Variants in NCALD observed in about 807,000 individuals in gnomAD.
The protein encoded by NCALD is neurocalcin delta.
In NCALD, 10 loss-of-function variants were observed where a neutral mutation model predicts 18.6. The observed-to-expected ratio is 0.54, with a 90% CI of 0.33 to 0.91. NCALD has a LOEUF of 0.91. Ranked by LOEUF, NCALD falls within the 40% of genes least tolerant of loss-of-function variation. NCALD has a pLI of 0.03. For missense variants in NCALD, 184 were observed against 247.6 expected (o/e 0.74, Z 1.72); for synonymous variants, 88 against 87.4 (o/e 1.01, Z -0.04).
At chr8:101,974,085 G>T (rs1279681667) in intron 2 of NCALD, among the ~76,000 whole-genome samples, 1 of 151,798 alleles carries the variant, frequency 6.6e-6, no homozygotes, top group Non-Finnish European at 1.5e-5. Flanking sequence ...AGTGGCCAGG[G>T]GCAAGAACTT....
At chr8:102,023,823 G>A (rs746311738) in intron 1 of NCALD, among the ~76,000 whole-genome samples, 17 of 149,570 alleles carry the variant, frequency 1.1e-4, no homozygotes, top group Non-Finnish European at 2.2e-4. Flanking sequence ...TCTTGTCATC[G>A]TGGTGCCTTG....
At chr8:101,906,986 C>T (rs1052527042) in intron 3 of NCALD, among the ~76,000 whole-genome samples, 2 of 152,156 alleles carry the variant, frequency 1.3e-5, no homozygotes, top group South Asian at 2.1e-4. Flanking sequence ...AAGACAGATT[C>T]GCTATTACTG....
chr8:101,962,051 T>C (rs1256316510), intron 2 of NCALD, among the ~76,000 whole-genome samples: 1 of 152,164 alleles, frequency 6.6e-6, no homozygotes, highest in Non-Finnish European at 1.5e-5. Context: ...AAAAACACTA[T>C]TAAAGCAAAG....
chr8:101,696,306 T>C (rs1814988988), intron 2 of NCALD, among the ~76,000 whole-genome samples: 1 of 152,174 alleles, frequency 6.6e-6, no homozygotes, highest in South Asian at 2.1e-4. Flanking sequence ...AGGCAGACAT[T>C]AGTAAAATAA....
intron 1 of NCALD, among the ~76,000 whole-genome samples, chr8:101,770,039 G>T (rs1811518611): frequency 6.6e-6 from 1 of 152,122 alleles, no homozygotes; most frequent in South Asian, 2.1e-4. Flanking sequence ...ATAAAGAAAA[G>T]AAGAGGCCTA....
intron 1 of NCALD, among the ~76,000 whole-genome samples, chr8:102,028,077 AATT>A (rs1340520712): frequency 1.3e-5 from 2 of 152,232 alleles, no homozygotes; most frequent in Admixed American, 6.5e-5. Context: ...GATTCTGTGA[AATT>A]ATTATCTTAG....
chr8:101,781,964 T>G (rs1274449545), intron 1 of NCALD, among the ~76,000 whole-genome samples: 4 of 151,738 alleles, frequency 2.6e-5, no homozygotes, highest in Non-Finnish European at 5.9e-5. Flanking sequence ...AATGCACTCA[T>G]AACTTACAAC....
At chr8:101,848,217 G>A (rs1231375629) in intron 4 of NCALD, among the ~76,000 whole-genome samples, 1 of 152,134 alleles carries the variant, frequency 6.6e-6, no homozygotes, top group African/African-American at 2.4e-5. Context: ...CAGAGGCTTA[G>A]CTAACAACCT....
intron 1 of NCALD, among the ~76,000 whole-genome samples, chr8:102,089,763 AG>A (rs1361483146): frequency 1.3e-5 from 2 of 152,198 alleles, no homozygotes; most frequent in African/African-American, 4.8e-5. Context: ...ATAAAGCTGA[AG>A]GTTTAAACAA....
At chr8:101,893,032 G>A (rs922880309) in intron 3 of NCALD, among the ~76,000 whole-genome samples, 7 of 149,218 alleles carry the variant, frequency 4.7e-5, no homozygotes, top group Non-Finnish European at 8.9e-5. Context: ...GATACTCCTC[G>A]AGAAGAGCAA....
chr8:101,880,927 G>C (rs1249108877), intron 4 of NCALD, among the ~76,000 whole-genome samples: 1 of 152,166 alleles, frequency 6.6e-6, no homozygotes, highest in African/African-American at 2.4e-5. Flanking sequence ...CCAGTTACTA[G>C]AGGGCCTCGA....
intron 2 of NCALD, among the ~76,000 whole-genome samples, chr8:101,948,964 C>A (rs1819283480): frequency 6.6e-6 from 1 of 152,148 alleles, no homozygotes; most frequent in Admixed American, 6.5e-5. Flanking sequence ...CAGAACAGGA[C>A]CTGGCATGTA....
At chr8:101,841,970 A>G (rs1336887194) in intron 4 of NCALD, among the ~76,000 whole-genome samples, 5 of 152,206 alleles carry the variant, frequency 3.3e-5, no homozygotes. Context: ...GGCTCCCATA[A>G]CAAAGTACCA....
intron 2 of NCALD, among the ~76,000 whole-genome samples, chr8:101,973,269 G>A (rs1820306753): frequency 6.6e-6 from 1 of 152,052 alleles, no homozygotes; most frequent in Admixed American, 6.5e-5. Flanking sequence ...TGTCTCCATA[G>A]GCTCCTCTTG....
intron 4 of NCALD, among the ~76,000 whole-genome samples, chr8:101,882,585 A>G (rs560514335): frequency 1.3e-5 from 2 of 152,358 alleles, no homozygotes; most frequent in East Asian, 1.9e-4. Flanking sequence ...CTAAGACAGC[A>G]TATGTAGAAA....
intron 1 of NCALD, among the ~76,000 whole-genome samples, chr8:102,066,307 A>G (rs1824007261): frequency 6.6e-6 from 1 of 152,152 alleles, no homozygotes; most frequent in African/African-American, 2.4e-5. Flanking sequence ...ATTTCCTAGG[A>G]TCTTATTCAT....
In NCALD at chr8:101,714,973, C is replaced by T. The variant is rs372529571; in HGVS notation, c.378+4279G>A. ...GATTGCGCCACTGCAGTCCACAGTC[C>T]GGCCTGGGCGACAGAGCGAGACTCC... On this transcript the variant is annotated intron_variant, in intron 2 of 3. Coordinates refer to ENST00000220931, the MANE Select transcript of NCALD (RefSeq NM_032041.3). Among the ~76,000 whole-genome samples, 31 of 147,942 alleles carry T rather than the reference C, an allele frequency of 2.1e-4. 1 individual carries two copies. The highest frequency in any genetic ancestry group is 6.0e-4 in the East Asian group (3 of 5,040).
intron 1 of NCALD, among the ~76,000 whole-genome samples, chr8:101,759,675 T>A (rs184999478): frequency 1.3e-3 from 205 of 152,206 alleles, no homozygotes; most frequent in Admixed American, 5.5e-3. Flanking sequence ...TAGACATACA[T>A]CCCTCAAAGA....
At chr8:102,033,513 C>T (rs891307990) in intron 1 of NCALD, among the ~76,000 whole-genome samples, 1 of 152,172 alleles carries the variant, frequency 6.6e-6, no homozygotes, top group Non-Finnish European at 1.5e-5. Flanking sequence ...TTGGGCTCTG[C>T]TGGTTTAAAG....
Sources: gnomAD v4.1 joint callset for allele counts (sites outside exome capture counted in the v4.1 genomes callset) on GRCh38, gnomAD v4.1.1 for gene constraint, MANE v1.5 for transcripts, NCBI Gene and HGNC (gene_info 2026-07-23, HGNC 2026-07-21) for gene names.